The following EPSTI1 variants were observed in gnomAD, a reference collection of about 807,000 sequenced individuals.
EPSTI1 encodes epithelial stromal interaction 1, also known as epithelial-stromal interaction protein 1.
In EPSTI1, 66 loss-of-function variants were observed where a neutral mutation model predicts 49.9. That is an observed-to-expected ratio of 1.32 (90% CI 1.08 to 1.62). EPSTI1 has a LOEUF of 1.62. Among genes scored for constraint, EPSTI1 ranks in the 40% most tolerant of loss-of-function variants. The probability of loss-of-function intolerance (pLI) is 0.00; values close to 1 mark genes in which losing one functional copy is unlikely to be tolerated. For missense variants in EPSTI1, 394 were observed against 365.5 expected, an observed-to-expected ratio of 1.08 and a Z score of -0.64; for synonymous variants, 137 against 130.7, an observed-to-expected ratio of 1.05 and a Z score of -0.33.
rs74065415 is a variant in EPSTI1, at chr13:42,954,044, A to G, written c.490-23T>C. The G allele has an allele frequency of 8.3e-5, 132 of 1,592,298 alleles. No individual in the cohort carries two copies. The African/African-American group carries it at 1.7e-3, about 20-fold the overall frequency. ...GCTCTGAAATTGCAAATATCAAAAC[A>G]TAACTTATTAAAGATGCTTTAAGCA... On this transcript the variant is annotated intron_variant, in intron 5 of 10. Coordinates refer to ENST00000313624, the MANE Select transcript of EPSTI1 (RefSeq NM_033255.5).
chr13:42,992,152 T>C lies in EPSTI1; in HGVS notation c.14A>G (p.Asn5Ser), dbSNP rs765023420. 2 of 1,584,014 alleles carry C rather than the reference T, an allele frequency of 1.3e-6. No homozygotes were observed. The highest frequency in any genetic ancestry group is 2.2e-5 in the East Asian group (1 of 44,518). Residue 5 changes from asparagine to serine, a missense_variant, in exon 1 of 11, where the codon AAT becomes AGT. Transcript: ENST00000313624. ...GCCGAGCCCGGAGTTCACCACTCTA[T>C]TGCGGGTGTTCATGGTTCACAGCCC... MNTR[N>S]RVVNSGLGAS...
intron 7 of EPSTI1, 22 bp downstream of exon 7, chr13:42,926,314 C>T (rs772183166): frequency 1.4e-6 from 2 of 1,423,710 alleles, no homozygotes; most frequent in Admixed American, 1.7e-5. Context: ...CCAGGCAGCA[C>T]CCTGCAAAGT....
At chr13:42,960,525 A>G (rs1234572345) in intron 5 of EPSTI1, among the ~76,000 whole-genome samples, 3 of 152,236 alleles carry the variant, frequency 2.0e-5, no homozygotes, top group Non-Finnish European at 4.4e-5. Context: ...TTAATGCATC[A>G]TTATAAAACC....
At chr13:42,909,729 G>T (rs539036831) in intron 8 of EPSTI1, among the ~76,000 whole-genome samples, 80 of 152,168 alleles carry the variant, frequency 5.3e-4, no homozygotes, top group Middle Eastern at 6.8e-3. Flanking sequence ...TTAAAAAGCT[G>T]ATCTCATAGA....
intron 1 of EPSTI1, among the ~76,000 whole-genome samples, chr13:42,980,225 G>GA (rs2039963707): frequency 2.0e-5 from 3 of 151,932 alleles, no homozygotes. Flanking sequence ...AAGCCAAAGT[G>GA]AAAAACAAGA....
At chr13:42,930,274 G>A (rs1213391552) in intron 6 of EPSTI1, among the ~76,000 whole-genome samples, 1 of 152,184 alleles carries the variant, frequency 6.6e-6, no homozygotes, top group African/African-American at 2.4e-5. Context: ...CCACCATGAG[G>A]TTTAGGTAAG....
At chr13:42,950,360 T>C (rs2039057708) in intron 6 of EPSTI1, among the ~76,000 whole-genome samples, 1 of 152,250 alleles carries the variant, frequency 6.6e-6, no homozygotes, top group African/African-American at 2.4e-5. Flanking sequence ...TTCAGCCAGC[T>C]TGCACGGGCA....
chr13:42,889,079 G>A (rs1236703949), intron 10 of EPSTI1: 1 of 728,948 alleles, frequency 1.4e-6, no homozygotes, highest in Non-Finnish European at 2.4e-6. Flanking sequence ...ATCTCAGGTT[G>A]CCTCATTGGT....
chr13:42,986,760 A>AC (rs2040089632), intron 1 of EPSTI1, among the ~76,000 whole-genome samples: 1 of 151,380 alleles, frequency 6.6e-6, no homozygotes, highest in African/African-American at 2.4e-5. Context: ...AAAAAAAAAA[A>AC]AAAAAAAAAA....
chr13:42,897,449 C>A (rs188282215), intron 9 of EPSTI1, among the ~76,000 whole-genome samples: 63 of 152,296 alleles, frequency 4.1e-4, no homozygotes, highest in Admixed American at 2.7e-3. Context: ...CGTGTTTTGC[C>A]CTATTCCCGG....
At chr13:42,898,126 A>G (rs1265592713) in intron 9 of EPSTI1, among the ~76,000 whole-genome samples, 1 of 152,204 alleles carries the variant, frequency 6.6e-6, no homozygotes, top group African/African-American at 2.4e-5. Context: ...AGCTCATTAC[A>G]GGTTCATTGA....
intron 8 of EPSTI1, among the ~76,000 whole-genome samples, chr13:42,903,817 T>C (rs2037427164): frequency 2.0e-5 from 3 of 152,148 alleles, no homozygotes; most frequent in Admixed American, 2.0e-4. Context: ...ACAGGTGAAT[T>C]TATTTATAAA....
At position 42,922,529 on chromosome 13, in the gene EPSTI1, G is replaced by A. The variant is rs1363137642; in HGVS notation, c.657+3807C>T. Among the ~76,000 whole-genome samples, 1 of 152,110 alleles carries A rather than the reference G, an allele frequency of 6.6e-6. No homozygotes were observed. The highest frequency in any genetic ancestry group is 2.4e-5 in the African/African-American group (1 of 41,430). ...GGAAGCTTCAAAAGGAACCATTCCT[G>A]TTGATACCCTCATTTTAGCATTTTA... On this transcript the variant is annotated intron_variant, in intron 7 of 10. Transcript: ENST00000313624. The surrounding 1 kb of genome is among the most constrained non-coding windows in gnomAD (Gnocchi z 4.8).
At chr13:42,982,024 G>C (rs2039995240) in intron 1 of EPSTI1, among the ~76,000 whole-genome samples, 1 of 152,170 alleles carries the variant, frequency 6.6e-6, no homozygotes, top group African/African-American at 2.4e-5. Flanking sequence ...AGAGGTGTTT[G>C]AACCAGAGAG....
intron 8 of EPSTI1, among the ~76,000 whole-genome samples, chr13:42,915,349 TG>T (rs1356022329): frequency 6.6e-6 from 1 of 152,182 alleles, no homozygotes; most frequent in Non-Finnish European, 1.5e-5. Flanking sequence ...CTGGCCAACA[TG>T]GTGAAACCCC....
In EPSTI1 at chr13:42,900,479, A is replaced by G. The variant is rs907888416; in HGVS notation, c.742-96T>C. 37 of 1,193,376 alleles carry G rather than the reference A, an allele frequency of 3.1e-5. No homozygotes were observed. In the Admixed American group the frequency reaches 7.5e-4, roughly 24 times the overall value. 73.9% of individuals were successfully genotyped at this position (1,193,376 alleles called of 1,614,324 possible). A position where few individuals can be genotyped will look rare whatever the true frequency, so the allele number is the denominator to read the frequency against. The stretch of plus-strand genomic sequence containing the variant: ...TACATATTTAAACCTCAACTGGTAC[A>G]ATATTTCATTTTTGAAACTTTTACT... On this transcript the variant is annotated intron_variant, in intron 8 of 10. Transcript: ENST00000313624.
chr13:42,912,054 T>C lies in EPSTI1; in HGVS notation c.741+5487A>G, dbSNP rs149302048. Among the ~76,000 whole-genome samples the C allele has an allele frequency of 3.1e-3, 473 of 152,356 alleles. 3 individuals are homozygous for C. Among genetic ancestry groups the C allele is most frequent in the African/African-American group, 0.011 (438 of 41,584 alleles). On this transcript the variant is annotated intron_variant, in intron 8 of 10. Coordinates refer to ENST00000313624, the MANE Select transcript of EPSTI1 (RefSeq NM_033255.5). ...TTTCAGTATTTTACTGATTCTTGTATATATTTTGACTGTAAAATCAATGAC... is the reference window on the plus strand; with the variant it reads ...TTTCAGTATTTTACTGATTCTTGTACATATTTTGACTGTAAAATCAATGAC...
At chr13:42,910,492 G>T (rs748588608) in intron 8 of EPSTI1, among the ~76,000 whole-genome samples, 3 of 152,004 alleles carry the variant, frequency 2.0e-5, no homozygotes, top group Non-Finnish European at 2.9e-5. Flanking sequence ...GACCTCAGGT[G>T]ATCCTCCTGC....
Position 42,969,226 on chromosome 13 carries a change from G to C in EPSTI1, c.248-49C>G, listed in dbSNP as rs752121511. 3 of 1,564,970 alleles carry C rather than the reference G, an allele frequency of 1.9e-6. No homozygotes were observed. In the Admixed American group the frequency reaches 5.2e-5, roughly 27 times the overall value. On this transcript the variant is annotated intron_variant, in intron 2 of 10. Transcript: ENST00000313624. ...ATCGTCAATTATTAGACTTCTAAAAGAAAACCAGTCCCTTCAAAGCATAAG... is the reference window on the plus strand; with the variant it reads ...ATCGTCAATTATTAGACTTCTAAAACAAAACCAGTCCCTTCAAAGCATAAG...
Sources: gnomAD v4.1 joint callset for allele counts (sites outside exome capture counted in the v4.1 genomes callset) on GRCh38, gnomAD v4.1.1 for gene constraint, Gnocchi (gnomAD v3.1) non-coding constraint, MANE v1.5 for transcripts, NCBI Gene and HGNC (gene_info 2026-07-23, HGNC 2026-07-21) for gene names.